SHROOM3: variants seen among roughly 807,000 people sequenced by gnomAD.
The protein encoded by SHROOM3 is shroom family member 3, also known as protein Shroom3.
SHROOM3 carries 47 observed loss-of-function variants against 138.6 expected under a neutral mutation model. The observed-to-expected ratio is 0.34, with a 90% confidence interval of 0.27 to 0.43. The LOEUF is 0.43. SHROOM3 is among the 20% of genes least tolerant of loss of function. SHROOM3 has a pLI of 1.00. For missense variants in SHROOM3, 2,491 were observed against 2,596.5 expected (o/e 0.96, Z 0.88); for synonymous variants, 1,062 against 1,063.3 (o/e 1.00, Z 0.02).
At chr4:76,566,377 C>A (rs1450480290) in intron 2 of SHROOM3, among the ~76,000 whole-genome samples, 3 of 152,052 alleles carry the variant, frequency 2.0e-5, no homozygotes, top group Non-Finnish European at 4.4e-5. Flanking sequence ...GTCCTGGAAC[C>A]AATCCCCCAT....
chr4:76,723,041 C>A (rs1720594897), intron 3 of SHROOM3, among the ~76,000 whole-genome samples: 1 of 151,882 alleles, frequency 6.6e-6, no homozygotes, highest in Non-Finnish European at 1.5e-5. Context: ...GCCCATGCAA[C>A]ATGTGTCATA....
intron 2 of SHROOM3, among the ~76,000 whole-genome samples, chr4:76,562,824 T>C (rs1733627572): frequency 6.6e-6 from 1 of 152,192 alleles, no homozygotes; most frequent in Non-Finnish European, 1.5e-5. Flanking sequence ...TAAAAGCAAA[T>C]GGAACAGAAC....
chr4:76,756,606 C>A lies in SHROOM3; in HGVS notation c.4867C>A (p.Gln1623Lys), dbSNP rs143947261. The A allele has an allele frequency of 1.2e-3, 1,883 of 1,613,816 alleles. 4 individuals carry two copies. The highest frequency in any genetic ancestry group is 1.5e-3 in the Non-Finnish European group (1,762 of 1,179,980). ...TPPSFMSVHA[Q>K]LAGSLGGQPA... ...ACCCTCCTTCATGAGCGTTCACGCCCAACTTGCTGGGTCTCTTGGTGGGCA... is the reference window on the plus strand; with the variant it reads ...ACCCTCCTTCATGAGCGTTCACGCCAAACTTGCTGGGTCTCTTGGTGGGCA... Residue 1623 changes from glutamine (Q) to lysine (K), a missense_variant, in exon 8 of 11, where the codon CAA becomes AAA. Transcript: ENST00000296043.
At chr4:76,560,806 T>C (rs1733581904) in intron 2 of SHROOM3, among the ~76,000 whole-genome samples, 1 of 152,186 alleles carries the variant, frequency 6.6e-6, no homozygotes, top group South Asian at 2.1e-4. Context: ...ACTACCAGAT[T>C]TGAGACTGCC....
At chr4:76,455,290 T>C (rs1731005585) in intron 1 of SHROOM3, among the ~76,000 whole-genome samples, 1 of 152,024 alleles carries the variant, frequency 6.6e-6, no homozygotes, top group Non-Finnish European at 1.5e-5. Context: ...TTATATATGA[T>C]CTCTATTATG....
chr4:76,617,077 G>A (rs1049750363), intron 2 of SHROOM3, among the ~76,000 whole-genome samples: 2 of 152,234 alleles, frequency 1.3e-5, no homozygotes, highest in African/African-American at 4.8e-5. Context: ...TACCCGCACA[G>A]GCTAATGGTG....
chr4:76,669,261 T>G (rs1326362832), intron 2 of SHROOM3, among the ~76,000 whole-genome samples: 3 of 152,348 alleles, frequency 2.0e-5, no homozygotes, highest in Middle Eastern at 6.8e-3. Context: ...CTCTTTTGTA[T>G]GTAGCTGTTA....
chr4:76,693,137 A>G (rs1184303660), intron 2 of SHROOM3, among the ~76,000 whole-genome samples: 2 of 152,208 alleles, frequency 1.3e-5, no homozygotes, highest in Non-Finnish European at 2.9e-5. Flanking sequence ...GAACATCTTC[A>G]TAGGGTTGTT....
At chr4:76,590,236 G>A (rs535113259) in intron 2 of SHROOM3, among the ~76,000 whole-genome samples, 1 of 152,132 alleles carries the variant, frequency 6.6e-6, no homozygotes, top group African/African-American at 2.4e-5. Context: ...CCTAAATTGA[G>A]GACAGCACCC....
In SHROOM3 at chr4:76,608,528, G is replaced by GGCATAGCATAGCATAGCATAGCATA. The variant is rs66571570; in HGVS notation, c.323+52825_323+52849dup. 7.5e-4 allele frequency among the ~76,000 whole-genome samples: 85 copies of GGCATAGCATAGCATAGCATAGCATA among 113,556 alleles called. 4 individuals carry two copies. The highest frequency in any genetic ancestry group is 4.0e-3 in the East Asian group (16 of 4,026). The allele number at this position is 113,556 out of a possible 152,430, so 74.5% of individuals were successfully genotyped here. A position where few individuals can be genotyped will look rare whatever the true frequency, so the allele number is the denominator to read the frequency against. On this transcript the variant is annotated intron_variant, in intron 2 of 10. Transcript: ENST00000296043. The stretch of plus-strand genomic sequence containing the variant: ...CTGATTTGATTGATTGGACAGAGAT[G>GGCATAGCATAGCATAGCATAGCATA]GCATAGCATAGCATAGCATAGCATA...
chr4:76,719,579 A>G (rs1180900619), intron 3 of SHROOM3, among the ~76,000 whole-genome samples: 1 of 152,218 alleles, frequency 6.6e-6, no homozygotes, highest in African/African-American at 2.4e-5. Flanking sequence ...AGATGTTGAC[A>G]TGTAGGAAGG....
At position 76,759,541 on chromosome 4, in the gene SHROOM3, C is replaced by T. The variant is rs1234066550; in HGVS notation, c.5199-4C>T. Reference sequence around the variant, plus strand: ...GGCTATACTTTGTGCTCTTTTTGGCCCAGGAATGAAGACAAGGAAGCAGTG... The same window carrying T: ...GGCTATACTTTGTGCTCTTTTTGGCTCAGGAATGAAGACAAGGAAGCAGTG... On this transcript the variant is annotated splice_polypyrimidine_tract_variant and splice_region_variant and intron_variant, in intron 8 of 10. Transcript: ENST00000296043. The T allele has an allele frequency of 8.1e-6, 13 of 1,613,782 alleles. No homozygotes were observed. The highest frequency in any genetic ancestry group is 1.0e-5 in the Non-Finnish European group (12 of 1,179,944).
intron 3 of SHROOM3, among the ~76,000 whole-genome samples, chr4:76,712,475 G>A (rs911485441): frequency 6.6e-6 from 1 of 152,146 alleles, no homozygotes; most frequent in African/African-American, 2.4e-5. Context: ...AACAATCCCT[G>A]AAAGTTGAGT....
chr4:76,490,202 T>TA (rs1453428149), intron 1 of SHROOM3, among the ~76,000 whole-genome samples: 1 of 152,116 alleles, frequency 6.6e-6, no homozygotes, highest in Non-Finnish European at 1.5e-5. Flanking sequence ...AGAGTGAAGT[T>TA]ACAAAGTTAT....
chr4:76,651,403 T>TAA (rs1294195338), intron 2 of SHROOM3, among the ~76,000 whole-genome samples: 23 of 12,136 alleles, frequency 1.9e-3, no homozygotes, highest in African/African-American at 0.01. Flanking sequence ...AACCCATAAA[T>TAA]ATATATATAT....
At chr4:76,519,753 C>T (rs561113412) in intron 1 of SHROOM3, among the ~76,000 whole-genome samples, 2 of 152,274 alleles carry the variant, frequency 1.3e-5, no homozygotes, top group South Asian at 4.2e-4. Flanking sequence ...CCATAAAACA[C>T]GGTGCCTTTT....
intron 1 of SHROOM3, among the ~76,000 whole-genome samples, chr4:76,547,769 A>T (rs1208062353): frequency 6.6e-6 from 1 of 152,130 alleles, no homozygotes; most frequent in Non-Finnish European, 1.5e-5. Context: ...GTCTCTACTA[A>T]AGATACAAAA....
intron 1 of SHROOM3, among the ~76,000 whole-genome samples, chr4:76,525,107 T>C (rs1267727746): frequency 6.6e-6 from 1 of 152,206 alleles, no homozygotes; most frequent in East Asian, 1.9e-4. Context: ...TTTGTATTAG[T>C]CTGTTCTTAT....
chr4:76,477,584 A>T (rs1217913527), intron 1 of SHROOM3, among the ~76,000 whole-genome samples: 1 of 152,190 alleles, frequency 6.6e-6, no homozygotes. Context: ...ATGTGTGTGC[A>T]TATATATAGA....
Sources: allele counts gnomAD v4.1 joint callset (sites outside exome capture counted in the v4.1 genomes callset), GRCh38; gene constraint gnomAD v4.1.1; transcripts MANE v1.5; gene names NCBI Gene and HGNC (gene_info 2026-07-23, HGNC 2026-07-21).